Variants in N4BP2 observed in about 807,000 individuals in gnomAD.
The protein encoded by N4BP2 is NEDD4-binding protein 2.
N4BP2 carries 91 observed loss-of-function variants against 152.8 expected under a neutral mutation model. The observed-to-expected ratio is 0.60, with a 90% CI of 0.50 to 0.71. The LOEUF (loss-of-function observed/expected upper bound fraction) is 0.71, where lower values mean the gene tolerates loss of function less well. Among genes scored for constraint, N4BP2 ranks in the 30% least tolerant of loss-of-function variants. The pLI is 0.00. For synonymous variants in N4BP2, 646 were observed against 705.3 expected (o/e 0.92, Z 1.33); for missense variants, 1,923 against 2,059.1 (o/e 0.93, Z 1.28).
Position 40,122,327 on chromosome 4 carries a change from G to T in N4BP2, c.4198+18G>T. The T allele has an allele frequency of 6.7e-7, 1 of 1,486,880 alleles. No homozygotes were observed. The highest frequency in any genetic ancestry group is 1.3e-5 in the South Asian group (1 of 75,148). The allele number at this position is 1,486,880 out of a possible 1,614,324, so 92.1% of individuals were successfully genotyped here. On this transcript the variant is annotated intron_variant, in intron 9 of 17. Transcript: ENST00000261435. ...TGATTCAGGTAAGGAAAAAGTAAAT[G>T]ACCATGTGTGTGTCTTTGTGTGACT...
intron 9 of N4BP2, among the ~76,000 whole-genome samples, chr4:40,122,701 A>G (rs941470783): frequency 4.6e-5 from 7 of 152,212 alleles, no homozygotes; most frequent in African/African-American, 1.7e-4. Flanking sequence ...TGGAGTTTGT[A>G]TTTATCCCAT....
chr4:40,140,742 C>A (rs558916423), intron 14 of N4BP2, among the ~76,000 whole-genome samples: 84 of 151,868 alleles, frequency 5.5e-4, no homozygotes, highest in Non-Finnish European at 1.0e-3. Context: ...TGCGGCCTTC[C>A]GCAGTGTTTG....
In N4BP2 at chr4:40,103,086, A is replaced by C. The variant is rs1358393315; in HGVS notation, c.1241A>C (p.Lys414Thr). Residue 414 changes from lysine (K) to threonine (T), a missense_variant, in exon 4 of 18, where the codon AAA (lysine) becomes ACA (threonine). Transcript: ENST00000261435. ...HTSPTKVWRN[K>T]DGTSAYQVQE... is the part of the protein sequence containing the mutation. ...TCCCCAACAAAAGTATGGAGAAATA[A>C]AGATGGAACAAGTGCTTATCAAGTA... The C allele has an allele frequency of 6.2e-7, 1 of 1,614,236 alleles. No individual in the cohort carries two copies. The highest frequency in any genetic ancestry group is 1.1e-5 in the South Asian group (1 of 91,084).
At position 40,113,477 on chromosome 4, in the gene N4BP2, T is replaced by G; in HGVS notation, c.1633T>G (p.Trp545Gly). 3 of 1,613,674 alleles carry G rather than the reference T, an allele frequency of 1.9e-6. No individual in the cohort carries two copies. The highest frequency in any genetic ancestry group is 2.5e-6 in the Non-Finnish European group (3 of 1,179,718). Residue 545 changes from tryptophan to glycine, a missense_variant, in exon 7 of 18, where the codon TGG becomes GGG. By Grantham distance (184) the Trp-to-Gly change is radical. Transcript: ENST00000261435. ...AGTCCTTTTTCGGGAACCAGACACA[T>G]GGTGGAAGTTTAAACCAAAGGAACT... ...YKVLFREPDT[W>G]WKFKPKELAR...
chr4:40,174,950 CATT>C, the N4BP2 span, among the ~76,000 whole-genome samples: 3 of 150,222 alleles, frequency 2.0e-5, no homozygotes, highest in Non-Finnish European at 4.4e-5. Flanking sequence ...ACCTGAAGGA[CATT>C]ATGTTAAGTA....
intron 2 of N4BP2, among the ~76,000 whole-genome samples, chr4:40,085,111 C>T (rs998042774): frequency 2.0e-5 from 3 of 151,800 alleles, no homozygotes; most frequent in Non-Finnish European, 4.4e-5. Context: ...CGGGGCTTCA[C>T]TGTGTTGGCC....
At chr4:40,170,258 A>G in the N4BP2 span, among the ~76,000 whole-genome samples, 1 of 152,188 alleles carries the variant, frequency 6.6e-6, no homozygotes, top group Non-Finnish European at 1.5e-5. Flanking sequence ...TTAAGAGTCC[A>G]TTGTGGTAAT....
intron 15 of N4BP2, among the ~76,000 whole-genome samples, chr4:40,143,595 C>T (rs1031601411): frequency 6.6e-6 from 1 of 152,178 alleles, no homozygotes; most frequent in African/African-American, 2.4e-5. Context: ...GGTACTACTT[C>T]CGGCCAGGAA....
At chr4:40,104,102 A>C (rs888492291) in intron 4 of N4BP2, among the ~76,000 whole-genome samples, 2 of 151,622 alleles carry the variant, frequency 1.3e-5, no homozygotes, top group Admixed American at 1.3e-4. Flanking sequence ...ACAGGCGCCC[A>C]CCACCACGCC....
chr4:40,092,948 CT>C (rs892669234), intron 2 of N4BP2, among the ~76,000 whole-genome samples: 52 of 139,602 alleles, frequency 3.7e-4, no homozygotes, highest in Non-Finnish European at 3.0e-4. Flanking sequence ...CCGGCCTGCT[CT>C]TTTTTTTTTT....
chr4:40,069,204 G>T (rs550411811), intron 1 of N4BP2, among the ~76,000 whole-genome samples: 1 of 151,950 alleles, frequency 6.6e-6, no homozygotes, highest in African/African-American at 2.4e-5. Flanking sequence ...TTGGGAGGCC[G>T]AGGCGGGCAC....
Position 40,144,795 on chromosome 4 carries a change from CTG to C in N4BP2, c.5139_5140del (p.Glu1714ArgfsTer3). ...TTGATGAGAGTTTTAGAGAAGAAGA[CTG>C]AAGGTAGGACTGTGGTAATCACAAG... is the stretch of plus-strand genomic sequence containing the variant. On this transcript the variant is annotated frameshift_variant, in exon 16 of 18. Coordinates refer to ENST00000261435, the MANE Select transcript of N4BP2 (RefSeq NM_018177.6). LOFTEE classifies it high-confidence loss of function. The C allele has an allele frequency of 6.2e-7, 1 of 1,609,344 alleles. No individual in the cohort carries two copies. The highest frequency in any genetic ancestry group is 2.2e-5 in the East Asian group (1 of 44,740).
chr4:40,172,160 C>G, the N4BP2 span, among the ~76,000 whole-genome samples: 12 of 152,068 alleles, frequency 7.9e-5, no homozygotes, highest in Non-Finnish European at 1.5e-4. Flanking sequence ...GTGATCTGCC[C>G]ACCTCGGCCT....
At chr4:40,169,498 T>C in the N4BP2 span, among the ~76,000 whole-genome samples, 2 of 151,760 alleles carry the variant, frequency 1.3e-5, no homozygotes, top group African/African-American at 4.8e-5. Context: ...ATTTGAAATT[T>C]GAGACTGCCC....
At chr4:40,074,331 T>A (rs1712513265) in intron 2 of N4BP2, among the ~76,000 whole-genome samples, 1 of 152,036 alleles carries the variant, frequency 6.6e-6, no homozygotes. Context: ...CCTCAAGTGA[T>A]CCACCCACTT....
intron 16 of N4BP2, 21 bp from the exon 17 acceptor site, chr4:40,152,759 C>T (rs2109289312): frequency 6.2e-7 from 1 of 1,612,588 alleles, no homozygotes; most frequent in East Asian, 2.2e-5. Context: ...ATTTTAACTC[C>T]CCTGATTTCT....
At chr4:40,066,734 A>G (rs28379929) in intron 1 of N4BP2, among the ~76,000 whole-genome samples, 13,988 of 152,046 alleles carry the variant, frequency 0.092, 1,176 homozygotes, top group East Asian at 0.42. Context: ...TTAGTTGGGG[A>G]AAAAAGTACA....
Position 40,095,791 on chromosome 4 carries a change from G to A in N4BP2, c.-114-1436G>A, listed in dbSNP as rs1028230704. Among the ~76,000 whole-genome samples, 43 of 152,144 alleles carry A rather than the reference G, an allele frequency of 2.8e-4. 1 individual carries two copies. Among genetic ancestry groups the A allele is most frequent in the African/African-American group, 9.9e-4 (41 of 41,418 alleles). Reference sequence around the variant, plus strand: ...CAGGAGTTAGCCGTGCAGATATCTTGAGGAAGAGTATATCAAGGGCTAGCA... The same window carrying A: ...CAGGAGTTAGCCGTGCAGATATCTTAAGGAAGAGTATATCAAGGGCTAGCA... On this transcript the variant is annotated intron_variant, in intron 2 of 17. Transcript: ENST00000261435.
chr4:40,130,231 T>C (rs1718794119), intron 12 of N4BP2, among the ~76,000 whole-genome samples: 1 of 151,970 alleles, frequency 6.6e-6, no homozygotes, highest in African/African-American at 2.4e-5. Flanking sequence ...GGTTTTGCCA[T>C]GTTGCCCAGG....
Sources: gnomAD v4.1 joint callset for allele counts (sites outside exome capture counted in the v4.1 genomes callset) on GRCh38, gnomAD v4.1.1 for gene constraint, MANE v1.5 for transcripts, NCBI Gene and HGNC (gene_info 2026-07-23, HGNC 2026-07-21) for gene names.